SZRD1: variants seen among roughly 807,000 people sequenced by gnomAD.
SZRD1 encodes SUZ RNA-binding domain-containing.
SZRD1 carries 7 observed loss-of-function variants against 17.6 expected under a neutral mutation model. The observed-to-expected ratio is 0.40, with a 90% CI of 0.23 to 0.75. The LOEUF is 0.75. Among genes scored for constraint, SZRD1 ranks in the 30% least tolerant of loss-of-function variants. SZRD1 has a pLI of 0.38. For missense variants in SZRD1, 178 were observed against 201.8 expected (o/e 0.88, Z 0.71); for synonymous variants, 77 against 77.9 (o/e 0.99, Z 0.06).
Position 16,369,567 on chromosome 1 carries a change from C to G in SZRD1, c.51+2259C>G, listed in dbSNP as rs2082876685. 6 of 678,362 alleles carry G rather than the reference C, an allele frequency of 8.8e-6. No individual in the cohort carries two copies. In the East Asian group the frequency reaches 1.6e-4, roughly 18 times the overall value. 42.0% of individuals were successfully genotyped at this position (678,362 alleles called of 1,614,324 possible). ...AGGCAGAAAGCCAGAGTTCTTTCTG[C>G]TATCCCTTACTTTAGTAATATCCTT... On this transcript the variant is annotated intron_variant, in intron 1 of 3. Coordinates refer to ENST00000401088, the MANE Select transcript of SZRD1 (RefSeq NM_001114600.3).
At chr1:16,378,350 A>G (rs2083038251) in intron 1 of SZRD1, among the ~76,000 whole-genome samples, 1 of 136,592 alleles carries the variant, frequency 7.3e-6, no homozygotes, top group African/African-American at 2.8e-5. Flanking sequence ...CAGTGGTGTG[A>G]TCAGCTCACT....
intron 1 of SZRD1, among the ~76,000 whole-genome samples, chr1:16,383,623 C>CTT (rs560831090): frequency 0.014 from 1,823 of 131,112 alleles, 61 homozygotes; most frequent in African/African-American, 0.048. Context: ...TCTTTTTTTC[C>CTT]TTTTTTTTTT....
intron 1 of SZRD1, among the ~76,000 whole-genome samples, chr1:16,386,343 G>A (rs775544401): frequency 3.9e-5 from 6 of 152,252 alleles, no homozygotes; most frequent in Non-Finnish European, 8.8e-5. Flanking sequence ...TCTAAAGAGA[G>A]GGTTCCCTTA....
At chr1:16,371,918 C>T (rs1355334436) in intron 1 of SZRD1, among the ~76,000 whole-genome samples, 2 of 152,116 alleles carry the variant, frequency 1.3e-5, no homozygotes, top group Non-Finnish European at 2.9e-5. Context: ...TTTGTAGAGA[C>T]AGGGTCTTGC....
chr1:16,367,417 C>T, intron 1 of SZRD1, 109 bp downstream of exon 1: 1 of 1,108,030 alleles, frequency 9.0e-7, no homozygotes, highest in African/African-American at 1.6e-5. Flanking sequence ...GCCCCATACG[C>T]CGGGCTGGGG....
intron 1 of SZRD1, among the ~76,000 whole-genome samples, chr1:16,384,722 C>T (rs1329782725): frequency 6.6e-6 from 1 of 152,172 alleles, no homozygotes; most frequent in Admixed American, 6.5e-5. Flanking sequence ...AAGGTAGTCT[C>T]GCCTGCTATC....
chr1:16,379,760 GTT>G (rs35016930), intron 1 of SZRD1, among the ~76,000 whole-genome samples: 214 of 130,956 alleles, frequency 1.6e-3, no homozygotes, highest in African/African-American at 3.9e-3. Flanking sequence ...TTGATTTGGG[GTT>G]TTTTTTTTTT....
chr1:16,367,508 C>G (rs12403865), intron 1 of SZRD1, among the ~76,000 whole-genome samples, 200 bp downstream of exon 1: 1 of 152,230 alleles, frequency 6.6e-6, no homozygotes, highest in African/African-American at 2.4e-5. Context: ...TTTCCTTTGC[C>G]TGGTGCGCCT....
chr1:16,376,948 G>A (rs1333896175), intron 1 of SZRD1, among the ~76,000 whole-genome samples: 1 of 152,068 alleles, frequency 6.6e-6, no homozygotes, highest in African/African-American at 2.4e-5. Context: ...TCAGAGTACA[G>A]GTGCGTGAGC....
At chr1:16,392,486 C>T (rs1321941336) in intron 2 of SZRD1, among the ~76,000 whole-genome samples, 7 of 152,230 alleles carry the variant, frequency 4.6e-5, no homozygotes, top group Non-Finnish European at 5.9e-5. Context: ...CCTTGATGTA[C>T]GCGTCCACCA....
At chr1:16,389,313 G>A (rs1449637016) in intron 1 of SZRD1, among the ~76,000 whole-genome samples, 3 of 151,394 alleles carry the variant, frequency 2.0e-5, no homozygotes, top group African/African-American at 7.3e-5. Flanking sequence ...CGCCCAGGCT[G>A]GAGTGCAGTG....
In SZRD1 at chr1:16,391,851, A is replaced by G. The variant is rs1485764705; in HGVS notation, c.101+427A>G. Among the ~76,000 whole-genome samples, 2 of 152,050 alleles carry G rather than the reference A, an allele frequency of 1.3e-5. No individual in the cohort carries two copies. Among genetic ancestry groups the G allele is most frequent in the Non-Finnish European group, 2.9e-5 (2 of 67,994 alleles). ...TGGTGGTCTAGGGTATTATGAGGGT[A>G]TCCTGGAAGAAAACATTCTAGGAAA... On this transcript the variant is annotated intron_variant, in intron 2 of 3. Coordinates refer to ENST00000401088, the MANE Select transcript of SZRD1 (RefSeq NM_001114600.3). The surrounding 1 kb of genome is among the most constrained non-coding windows in gnomAD (Gnocchi z 4.3).
chr1:16,372,022 T>C (rs913331461), intron 1 of SZRD1, among the ~76,000 whole-genome samples: 1 of 152,236 alleles, frequency 6.6e-6, no homozygotes, highest in Non-Finnish European at 1.5e-5. Context: ...TCAAGTCCTA[T>C]TGTGTCATTT....
At position 16,391,698 on chromosome 1, in the gene SZRD1, T is replaced by G. The variant is rs2085224370; in HGVS notation, c.101+274T>G. Among the ~76,000 whole-genome samples, 1 of 151,748 alleles carries G rather than the reference T, an allele frequency of 6.6e-6. No individual in the cohort carries two copies. Among genetic ancestry groups the G allele is most frequent in the African/African-American group, 2.4e-5 (1 of 41,298 alleles). ...GAAGTGACAAGTTGGAAGACTTGAG[T>G]TTTAGGCCTGGCAGTGCCCCAGTTG... is the stretch of plus-strand genomic sequence containing the variant. On this transcript the variant is annotated intron_variant, in intron 2 of 3. Coordinates refer to ENST00000401088, the MANE Select transcript of SZRD1 (RefSeq NM_001114600.3). The surrounding 1 kb of genome is among the most constrained non-coding windows in gnomAD (Gnocchi z 4.3).
intron 1 of SZRD1, among the ~76,000 whole-genome samples, chr1:16,376,531 C>T (rs1284358381): frequency 3.3e-5 from 5 of 152,234 alleles, no homozygotes; most frequent in Admixed American, 2.0e-4. Flanking sequence ...TTGGGCAGGG[C>T]GCATTGGGTC....
At chr1:16,387,485 G>C (rs2085145512) in intron 1 of SZRD1, 2 of 455,326 alleles carry the variant, frequency 4.4e-6, no homozygotes, top group African/African-American at 4.0e-5. Flanking sequence ...ATACTGATTT[G>C]GTTTCTTCTG....
chr1:16,394,454 A>T (rs1272153660), intron 3 of SZRD1, among the ~76,000 whole-genome samples: 1 of 152,188 alleles, frequency 6.6e-6, no homozygotes, highest in Non-Finnish European at 1.5e-5. Flanking sequence ...GCCTCTGGGC[A>T]GAGTGGGCCC....
intron 1 of SZRD1, among the ~76,000 whole-genome samples, chr1:16,380,054 T>C (rs1321633612): frequency 1.3e-5 from 2 of 152,210 alleles, no homozygotes; most frequent in African/African-American, 4.8e-5. Context: ...TCTGCTCTCA[T>C]AAGGCTTACT....
intron 1 of SZRD1, chr1:16,367,904 G>C (rs996975532): frequency 2.6e-5 from 4 of 152,478 alleles, no homozygotes; most frequent in Non-Finnish European, 4.4e-5. Context: ...CAGGCAGGCA[G>C]GTCTCACGGG....
Sources: allele counts gnomAD v4.1 joint callset (sites outside exome capture counted in the v4.1 genomes callset), GRCh38; gene constraint gnomAD v4.1.1; non-coding constraint Gnocchi (gnomAD v3.1); transcripts MANE v1.5; gene names NCBI Gene and HGNC (gene_info 2026-07-23, HGNC 2026-07-21).